Variants in ERC2 observed in about 807,000 individuals in gnomAD.
ERC2 encodes ERC protein 2.
Under a neutral mutation model 114.8 loss-of-function variants are expected in ERC2, and 42 were observed. The observed-to-expected ratio is 0.37, with a 90% CI of 0.29 to 0.47. The LOEUF is 0.47. ERC2 is among the 20% of genes least tolerant of loss of function. ERC2 has a pLI of 0.99. For missense variants in ERC2, 939 were observed against 1,150.7 expected (o/e 0.82, Z 2.66); for synonymous variants, 454 against 425.5 (o/e 1.07, Z -0.82).
At position 55,833,073 on chromosome 3, in the gene ERC2, G is replaced by T. The variant is rs141421274; in HGVS notation, c.2564+55316C>A. 1.1e-3 allele frequency among the ~76,000 whole-genome samples: 166 copies of T among 149,356 alleles called. 2 individuals carry two copies. Among genetic ancestry groups the T allele is most frequent in the African/African-American group, 3.8e-3 (150 of 39,296 alleles). On this transcript the variant is annotated intron_variant, in intron 14 of 17. Transcript: ENST00000288221. The stretch of plus-strand genomic sequence containing the variant: ...AGTTTAGAGAAAAAAAGAATAAAAA[G>T]AAATGAACAAAGCCTCCAAGAAATA...
intron 4 of ERC2, among the ~76,000 whole-genome samples, chr3:56,151,859 A>G (rs1407918269): frequency 6.6e-6 from 1 of 152,188 alleles, no homozygotes; most frequent in Non-Finnish European, 1.5e-5. Context: ...ATATGAAGAC[A>G]TATGTTGTAA....
At chr3:56,300,734 T>C (rs778812007) in intron 2 of ERC2, among the ~76,000 whole-genome samples, 21 of 152,172 alleles carry the variant, frequency 1.4e-4, no homozygotes, top group Non-Finnish European at 2.4e-4. Flanking sequence ...CAAAAAGTAC[T>C]TAAGTAACCT....
intron 17 of ERC2, among the ~76,000 whole-genome samples, chr3:55,558,795 A>G (rs2055804544): frequency 6.6e-6 from 1 of 152,234 alleles, no homozygotes; most frequent in South Asian, 2.1e-4. Flanking sequence ...CTGAGATCCA[A>G]GCTAGATCTC....
chr3:55,992,462 G>T (rs943996390), intron 10 of ERC2, among the ~76,000 whole-genome samples: 2 of 152,066 alleles, frequency 1.3e-5, no homozygotes, highest in African/African-American at 4.8e-5. Flanking sequence ...AGTTTCACAG[G>T]GGAGTTTCTT....
intron 12 of ERC2, among the ~76,000 whole-genome samples, chr3:55,983,396 C>T (rs1284241112): frequency 1.3e-5 from 2 of 152,186 alleles, no homozygotes; most frequent in South Asian, 2.1e-4. Flanking sequence ...GAGTACAATA[C>T]AGAGATCCTG....
At chr3:55,811,147 T>G (rs2059706569) in intron 14 of ERC2, among the ~76,000 whole-genome samples, 1 of 152,150 alleles carries the variant, frequency 6.6e-6, no homozygotes, top group Admixed American at 6.6e-5. Context: ...AACTTTTAAT[T>G]TGCTTTAATT....
At chr3:56,026,745 C>G (rs150657375) in intron 7 of ERC2, among the ~76,000 whole-genome samples, 12 of 150,758 alleles carry the variant, frequency 8.0e-5, no homozygotes, top group Admixed American at 2.0e-4. Context: ...ATACTATAAC[C>G]AGGGAATTGA....
At chr3:55,929,230 T>G (rs1431408735) in intron 13 of ERC2, among the ~76,000 whole-genome samples, 1 of 151,926 alleles carries the variant, frequency 6.6e-6, no homozygotes, top group Non-Finnish European at 1.5e-5. Flanking sequence ...TCCAGAAGAG[T>G]GTAAACAGAG....
At chr3:55,596,245 T>G (rs1177569264) in intron 17 of ERC2, among the ~76,000 whole-genome samples, 1 of 152,138 alleles carries the variant, frequency 6.6e-6, no homozygotes, top group Non-Finnish European at 1.5e-5. Flanking sequence ...TAGGTCCAAA[T>G]AGATTAGTTA....
At chr3:56,156,833 A>T (rs2081750977) in intron 4 of ERC2, among the ~76,000 whole-genome samples, 1 of 152,106 alleles carries the variant, frequency 6.6e-6, no homozygotes, top group African/African-American at 2.4e-5. Flanking sequence ...TGAGCAAAAA[A>T]CTACTGATGA....
At chr3:56,217,615 C>T (rs914157174) in intron 3 of ERC2, among the ~76,000 whole-genome samples, 9 of 152,158 alleles carry the variant, frequency 5.9e-5, no homozygotes, top group Non-Finnish European at 1.3e-4. Context: ...CAATGACTTT[C>T]TTCACAGAAT....
intron 3 of ERC2, among the ~76,000 whole-genome samples, chr3:56,240,200 C>T (rs1460061975): frequency 6.6e-6 from 1 of 152,210 alleles, no homozygotes; most frequent in Middle Eastern, 3.2e-3. Context: ...CAATGACCAG[C>T]TTCTTCACCA....
At chr3:55,582,295 C>A (rs891140119) in intron 17 of ERC2, among the ~76,000 whole-genome samples, 1 of 152,204 alleles carries the variant, frequency 6.6e-6, no homozygotes, top group South Asian at 2.1e-4. Flanking sequence ...TGACACAGAT[C>A]CCTGCTCCAA....
chr3:56,155,975 G>C (rs190177455), intron 4 of ERC2, among the ~76,000 whole-genome samples: 36 of 152,262 alleles, frequency 2.4e-4, no homozygotes, highest in African/African-American at 8.7e-4. Context: ...TCAGAATCAA[G>C]CTAGGAATTT....
intron 6 of ERC2, among the ~76,000 whole-genome samples, chr3:56,105,717 C>T (rs911566561): frequency 6.6e-6 from 1 of 152,158 alleles, no homozygotes; most frequent in African/African-American, 2.4e-5. Flanking sequence ...AGTTAGGAGG[C>T]ATCTGCCACA....
chr3:56,074,904 A>G (rs975064470), intron 7 of ERC2, among the ~76,000 whole-genome samples: 3 of 152,164 alleles, frequency 2.0e-5, no homozygotes, highest in Non-Finnish European at 2.9e-5. Flanking sequence ...CCAAGTTCTC[A>G]TTCATTGAGA....
intron 6 of ERC2, among the ~76,000 whole-genome samples, chr3:56,121,623 T>G (rs2079582944): frequency 6.6e-6 from 1 of 152,178 alleles, no homozygotes; most frequent in African/African-American, 2.4e-5. Context: ...AAGCAAGAGT[T>G]TTTACATCTT....
intron 17 of ERC2, among the ~76,000 whole-genome samples, chr3:55,588,675 A>G (rs1279957117): frequency 6.6e-6 from 1 of 152,182 alleles, no homozygotes; most frequent in Non-Finnish European, 1.5e-5. Context: ...ACTGATCCCG[A>G]GACAGAGACC....
intron 13 of ERC2, among the ~76,000 whole-genome samples, chr3:55,910,264 C>T (rs13098328): frequency 0.27 from 41,518 of 151,602 alleles, 5,966 homozygotes; most frequent in Admixed American, 0.35. Flanking sequence ...TGGTGGTGTA[C>T]GCCTGTAATC....
Sources: allele counts gnomAD v4.1 joint callset (sites outside exome capture counted in the v4.1 genomes callset), GRCh38; gene constraint gnomAD v4.1.1; transcripts MANE v1.5; gene names NCBI Gene and HGNC (gene_info 2026-07-23, HGNC 2026-07-21).